RBBP9: variants seen among roughly 807,000 people sequenced by gnomAD.
RBBP9 encodes serine hydrolase RBBP9.
Under a neutral mutation model 24.2 loss-of-function variants are expected in RBBP9, and 20 were observed. The ratio of observed to expected loss-of-function variants is 0.83; its 90% CI spans 0.58 to 1.20. The LOEUF (loss-of-function observed/expected upper bound fraction) is 1.20, where lower values mean the gene tolerates loss of function less well. Ranked by LOEUF, RBBP9 falls within the 50% of genes most tolerant of loss-of-function variation. The probability of loss-of-function intolerance (pLI) is 0.00; values close to 1 mark genes in which losing one functional copy is unlikely to be tolerated. For synonymous variants in RBBP9, 74 were observed against 84.6 expected (o/e 0.87, Z 0.69); for missense variants, 234 against 233.6 (o/e 1.00, Z -0.01).
chr20:18,495,472 C>T (rs950206175), intron 2 of RBBP9, among the ~76,000 whole-genome samples: 16 of 151,442 alleles, frequency 1.1e-4, no homozygotes, highest in Admixed American at 1.1e-3. Flanking sequence ...GGGTCCTCTG[C>T]CTAGGAAAAC....
At chr20:18,490,123 T>G in intron 4 of RBBP9, 133 bp from the exon 5 acceptor site, 1 of 686,008 alleles carries the variant, frequency 1.5e-6, no homozygotes, top group East Asian at 2.7e-5. Flanking sequence ...GCACTTCTTT[T>G]GTTTTCAAAT....
rs1304631828 is a variant in RBBP9 at position 18,490,452 on chromosome 20, T to C, written c.277A>G (p.Ile93Val). 1.1e-5 allele frequency: 17 copies of C among 1,613,202 alleles called. No individual in the cohort carries two copies. The highest frequency in any genetic ancestry group is 1.2e-5 in the Non-Finnish European group (14 of 1,179,434). Residue 93 changes from isoleucine to valine, a missense_variant, in exon 4 of 5, where the codon ATT becomes GTT. Physicochemically the swap from Ile to Val is conservative, Grantham distance 29 (BLOSUM62 3). Coordinates refer to ENST00000337227, the MANE Select transcript of RBBP9 (RefSeq NM_006606.3). The stretch of plus-strand genomic sequence containing the variant: ...GATGTGTACGCAGACACTAATACAA[T>C]AGCATATACTCGATGTGTTTCTGCA... ...RYAETHRVYA[I>V]VLVSAYTSDL...
chr20:18,496,017 G>T (rs1190536774), intron 1 of RBBP9, 137 bp from the exon 2 acceptor site: 1 of 740,696 alleles, frequency 1.4e-6, no homozygotes, highest in African/African-American at 1.8e-5. Flanking sequence ...AGTAGGTTAA[G>T]TGACCATCTT....
Position 18,489,937 on chromosome 20 carries a change from T to C in RBBP9, c.388A>G (p.Ile130Val), listed in dbSNP as rs773815963. ...TCGTCAGTAGAGCCAAACTGCACAA[T>C]GTAAGGGCAGTTGGCCTTGATCTTC... ...WEKIKANCPY[I>V]VQFGSTDDPF... is the part of the protein sequence containing the mutation. The change falls in exon 5 of 5, where the codon ATT becomes GTT. Residue 130 changes from isoleucine (I) to valine (V), a missense_variant. By Grantham distance (29) the Ile-to-Val change is conservative (BLOSUM62 3). Transcript: ENST00000337227. The C allele has an allele frequency of 1.9e-6, 3 of 1,611,894 alleles. No individual in the cohort carries two copies. Among genetic ancestry groups the C allele is most frequent in the South Asian group, 1.1e-5 (1 of 91,024 alleles).
chr20:18,495,490 C>G (rs1035921306), intron 2 of RBBP9, among the ~76,000 whole-genome samples: 3 of 151,414 alleles, frequency 2.0e-5, no homozygotes, highest in African/African-American at 4.8e-5. Flanking sequence ...AACCAGAGAC[C>G]GTTGTTCACT....
At chr20:18,495,771 TACC>T (rs2059884307) in intron 2 of RBBP9, 64 bp downstream of exon 2, 1 of 1,458,334 alleles carries the variant, frequency 6.9e-7, no homozygotes, top group Non-Finnish European at 9.6e-7. Context: ...TCTTGTTCTC[TACC>T]ACAAAAATGG....
In RBBP9 at chr20:18,488,300, G is replaced by A. The variant is rs1007624830; in HGVS notation, c.*1464C>T. 4 of 151,502 alleles carry A rather than the reference G, an allele frequency of 2.6e-5. No homozygotes were observed. The highest frequency in any genetic ancestry group is 6.6e-5 in the Admixed American group (1 of 15,210). The allele number at this position is 151,502 out of a possible 1,614,324, so 9.4% of individuals were successfully genotyped here. On this transcript the variant is annotated 3_prime_UTR_variant, in exon 5 of 5. Coordinates refer to ENST00000337227, the MANE Select transcript of RBBP9 (RefSeq NM_006606.3). ...TTTTTTTTTAAGAGACAGGTTCTTCGCTCCATCACCCAGGATGGAGTACAG... is the reference window on the plus strand; with the variant it reads ...TTTTTTTTTAAGAGACAGGTTCTTCACTCCATCACCCAGGATGGAGTACAG...
Position 18,488,208 on chromosome 20 carries a change from G to C in RBBP9, c.*1556C>G, listed in dbSNP as rs1237418479. ...TGGAAATTATTTGAAGGAACACATA[G>C]CGATCATAATAGCCAAAAAATGTTG... On this transcript the variant is annotated 3_prime_UTR_variant, in exon 5 of 5. Coordinates refer to ENST00000337227, the MANE Select transcript of RBBP9 (RefSeq NM_006606.3). The C allele has an allele frequency of 6.6e-6, 1 of 151,966 alleles. No homozygotes were observed. The highest frequency in any genetic ancestry group is 6.6e-5 in the Admixed American group (1 of 15,258). 9.4% of individuals were successfully genotyped at this position (151,966 alleles called of 1,614,324 possible). A position where few individuals can be genotyped will look rare whatever the true frequency, so the allele number is the denominator to read the frequency against.
rs925061574 is a variant in RBBP9, at chr20:18,487,843, T to C, written c.*1921A>G. ...GGCACATGCCTTTAGTTCACACTAC[T>C]TGGGAGGCTGAGATGAGAATCACTT... is the stretch of plus-strand genomic sequence containing the variant. On this transcript the variant is annotated 3_prime_UTR_variant, in exon 5 of 5. Coordinates refer to ENST00000337227, the MANE Select transcript of RBBP9 (RefSeq NM_006606.3). The C allele has an allele frequency of 9.9e-5, 15 of 152,204 alleles. No homozygotes were observed. Among genetic ancestry groups the C allele is most frequent in the African/African-American group, 2.7e-4 (11 of 41,428 alleles). The allele number at this position is 152,204 out of a possible 1,614,324, so 9.4% of individuals were successfully genotyped here. A position where few individuals can be genotyped will look rare whatever the true frequency, so the allele number is the denominator to read the frequency against.
At chr20:18,494,680 C>CA (rs990549718) in intron 2 of RBBP9, among the ~76,000 whole-genome samples, 41 of 144,920 alleles carry the variant, frequency 2.8e-4, no homozygotes, top group Non-Finnish European at 3.3e-4. Flanking sequence ...GACTCCATCT[C>CA]AAAAAAAAAA....
chr20:18,495,383 A>G (rs2059882264), intron 2 of RBBP9, among the ~76,000 whole-genome samples: 1 of 148,390 alleles, frequency 6.7e-6, no homozygotes, highest in African/African-American at 2.5e-5. Context: ...CAGATGCTTG[A>G]AGGCAGCATG....
In RBBP9 at chr20:18,489,931, G is replaced by A; in HGVS notation, c.394C>T (p.Gln132Ter). Residue 132 changes from glutamine to a stop codon, truncating the protein, a stop_gained, in exon 5 of 5, where the codon CAG becomes TAG. Transcript: ENST00000337227. LOFTEE classifies it high-confidence loss of function. ...AACGGGTCGTCAGTAGAGCCAAACTGCACAATGTAAGGGCAGTTGGCCTTG... is the reference window on the plus strand; with the variant it reads ...AACGGGTCGTCAGTAGAGCCAAACTACACAATGTAAGGGCAGTTGGCCTTG... The part of the protein sequence containing the change: ...KIKANCPYIV[Q>*]FGSTDDPFLP... 1 of 1,613,758 alleles carries A rather than the reference G, an allele frequency of 6.2e-7. No individual in the cohort carries two copies. Among genetic ancestry groups the A allele is most frequent in the Non-Finnish European group, 8.5e-7 (1 of 1,179,790 alleles).
chr20:18,495,451 G>GGAAGGCC (rs2059882814), intron 2 of RBBP9, among the ~76,000 whole-genome samples: 1 of 151,128 alleles, frequency 6.6e-6, no homozygotes, highest in African/African-American at 2.4e-5. Flanking sequence ...CAAACACTGC[G>GGAAGGCC]GAAGGCCGCA....
chr20:18,490,812 T>C (rs1012023497), intron 3 of RBBP9, among the ~76,000 whole-genome samples: 1 of 152,082 alleles, frequency 6.6e-6, no homozygotes, highest in African/African-American at 2.4e-5. Flanking sequence ...CCTGAGTAGC[T>C]GGGATAACAG....
At position 18,489,440 on chromosome 20, in the gene RBBP9, C is replaced by T. The variant is rs1413804622; in HGVS notation, c.*324G>A. 1.0e-5 allele frequency: 2 copies of T among 197,142 alleles called. No homozygotes were observed. Among genetic ancestry groups the T allele is most frequent in the African/African-American group, 4.6e-5 (2 of 43,180 alleles). 12.2% of individuals were successfully genotyped at this position (197,142 alleles called of 1,614,324 possible). ...TGCAATACCTGCAACATACATAAAA[C>T]CTATTTAATTTTACTCAGGAGTGGG... On this transcript the variant is annotated 3_prime_UTR_variant, in exon 5 of 5. Transcript: ENST00000337227.
chr20:18,489,997 G>A lies in RBBP9; in HGVS notation c.335-7C>T, dbSNP rs779251417. 16 of 1,566,550 alleles carry A rather than the reference G, an allele frequency of 1.0e-5. No individual in the cohort carries two copies. The highest frequency in any genetic ancestry group is 5.5e-5 in the Admixed American group (3 of 54,924). On this transcript the variant is annotated splice_polypyrimidine_tract_variant and splice_region_variant and intron_variant, in intron 4 of 4. Coordinates refer to ENST00000337227, the MANE Select transcript of RBBP9 (RefSeq NM_006606.3). ...CAGGGGCGGGTGAAGTATCCTATGG[G>A]GAAAAAAAAATGATCTTTCAGTACC...
At chr20:18,495,928 A>C (rs2059885230) in intron 1 of RBBP9, 48 bp from the exon 2 acceptor site, 1 of 1,383,618 alleles carries the variant, frequency 7.2e-7, no homozygotes, top group Non-Finnish European at 9.9e-7. Flanking sequence ...GCTTAATTAC[A>C]ACTAATACTT....
intron 3 of RBBP9, among the ~76,000 whole-genome samples, chr20:18,493,522 C>T (rs142249070): frequency 6.6e-6 from 1 of 152,218 alleles, no homozygotes; most frequent in Non-Finnish European, 1.5e-5. Flanking sequence ...CAAAAGGGGA[C>T]ATTTGAGCAG....
chr20:18,495,820 A>G lies in RBBP9; in HGVS notation c.142+18T>C. The stretch of plus-strand genomic sequence containing the variant: ...ACCCAACAAGATGAGGCTATTTAAA[A>G]ACAAGTTTAAAACTTACTTGGGTCG... On this transcript the variant is annotated intron_variant, in intron 2 of 4. Coordinates refer to ENST00000337227, the MANE Select transcript of RBBP9 (RefSeq NM_006606.3). 6.5e-7 allele frequency: 1 copy of G among 1,544,948 alleles called. No individual in the cohort carries two copies.
Sources: gnomAD v4.1 joint callset for allele counts (sites outside exome capture counted in the v4.1 genomes callset) on GRCh38, gnomAD v4.1.1 for gene constraint, MANE v1.5 for transcripts, NCBI Gene and HGNC (gene_info 2026-07-23, HGNC 2026-07-21) for gene names.